The following SLC4A10 variants were observed in gnomAD, a reference collection of about 807,000 sequenced individuals.
SLC4A10 encodes solute carrier family 4 member 10.
A neutral mutation model predicts 137.7 loss-of-function variants in SLC4A10; 42 were observed. The observed-to-expected ratio is 0.30, with a 90% confidence interval of 0.24 to 0.39. The LOEUF is 0.39. Ranked by LOEUF, SLC4A10 falls within the 10% of genes least tolerant of loss-of-function variation. The pLI is 1.00. For synonymous variants in SLC4A10, 474 were observed against 464.1 expected (o/e 1.02, Z -0.27); for missense variants, 925 against 1,355.0 (o/e 0.68, Z 4.98).
intron 15 of SLC4A10, among the ~76,000 whole-genome samples, chr2:161,930,924 GTTTTGTTTTGTTTTA>G (rs1411578035): frequency 8.2e-5 from 12 of 146,324 alleles, no homozygotes; most frequent in African/African-American, 1.3e-4. Context: ...GTTTTGTTTT[GTTTTGTTTTGTTTTA>G]TTTTGTTTTT....
rs1051999705 is a variant in SLC4A10 at position 161,976,861 on chromosome 2, G to A, written c.3329G>A (p.Ser1110Asn). ...GATAACTCAAAAGATAAGGAGTCAA[G>A]CTTTCCTTCCAAAAGGTTTGGATTT... ...TADNSKDKES[S>N]FPSKSSPS Residue 1110 changes from serine to asparagine, a missense_variant, in exon 25 of 27, where the codon AGC (serine) becomes AAC (asparagine). Around this residue, in one of 11 missense-constraint regions of SLC4A10, gnomAD observed 84 missense variants for 76.9 expected, o/e 1.09. Transcript: ENST00000446997. 3.2e-6 allele frequency: 5 copies of A among 1,584,376 alleles called. No homozygotes were observed. Among genetic ancestry groups the A allele is most frequent in the African/African-American group, 2.7e-5 (2 of 74,238 alleles).
In SLC4A10 at chr2:161,761,603, C is replaced by G. The variant is rs113631049; in HGVS notation, c.49-9370C>G. On this transcript the variant is annotated intron_variant, in intron 1 of 26. Coordinates refer to ENST00000446997, the MANE Select transcript of SLC4A10 (RefSeq NM_001178015.2). Reference sequence around the variant, plus strand: ...AACCAGCAGGCAAAAATGCAGGTTTCGCTACCCTTTAAAATACTTTTGACT... The same window carrying G: ...AACCAGCAGGCAAAAATGCAGGTTTGGCTACCCTTTAAAATACTTTTGACT... Among the ~76,000 whole-genome samples, 385 of 152,178 alleles carry G rather than the reference C, an allele frequency of 2.5e-3. 3 individuals are homozygous for G. The highest frequency in any genetic ancestry group is 8.8e-3 in the African/African-American group (367 of 41,554).
At chr2:161,892,155 G>A (rs919871931) in intron 10 of SLC4A10, among the ~76,000 whole-genome samples, 1 of 152,026 alleles carries the variant, frequency 6.6e-6, no homozygotes, top group Non-Finnish European at 1.5e-5. Flanking sequence ...CAGGAAATCT[G>A]TTGTCCTGGA....
At chr2:161,697,312 G>A (rs1053523362) in intron 1 of SLC4A10, among the ~76,000 whole-genome samples, 6 of 152,050 alleles carry the variant, frequency 3.9e-5, no homozygotes, top group African/African-American at 1.4e-4. Context: ...TAGTTTAATT[G>A]GCTCCCATTT....
rs545566617 is a variant in SLC4A10 at position 161,638,454 on chromosome 2, T to C, written c.48+13888T>C. 3.9e-5 allele frequency among the ~76,000 whole-genome samples: 6 copies of C among 152,290 alleles called. No homozygotes were observed. The South Asian group carries it at 1.2e-3, about 32-fold the overall frequency. ...GGCTGTAAATACGTGGATTTGTTTC[T>C]GGGTTTTCTATTCTGTTTCATTGAT... is the stretch of plus-strand genomic sequence containing the variant. On this transcript the variant is annotated intron_variant, in intron 1 of 26. Coordinates refer to ENST00000446997, the MANE Select transcript of SLC4A10 (RefSeq NM_001178015.2).
chr2:161,852,568 TATAAA>T (rs1221392752), intron 4 of SLC4A10, among the ~76,000 whole-genome samples: 3 of 152,142 alleles, frequency 2.0e-5, no homozygotes, highest in Non-Finnish European at 2.9e-5. Context: ...ATTGGAATAA[TATAAA>T]AGAAAAAGTG....
intron 8 of SLC4A10, among the ~76,000 whole-genome samples, chr2:161,878,147 G>T (rs1197908213): frequency 6.6e-6 from 1 of 151,978 alleles, no homozygotes; most frequent in Non-Finnish European, 1.5e-5. Context: ...ACTCATATTT[G>T]CCAGAGCTCA....
At chr2:161,659,574 G>A (rs1308843586) in intron 1 of SLC4A10, among the ~76,000 whole-genome samples, 3 of 152,052 alleles carry the variant, frequency 2.0e-5, no homozygotes, top group Non-Finnish European at 4.4e-5. Flanking sequence ...CACACTGAAA[G>A]CTATTATGCA....
At chr2:161,703,449 A>G (rs78057265) in intron 1 of SLC4A10, among the ~76,000 whole-genome samples, 2,669 of 151,800 alleles carry the variant, frequency 0.018, 78 homozygotes, top group African/African-American at 0.06. Context: ...TATTTAAAAT[A>G]CTAAAACTAA....
chr2:161,834,733 A>G (rs960957032), intron 3 of SLC4A10, among the ~76,000 whole-genome samples: 1 of 150,558 alleles, frequency 6.6e-6, no homozygotes, highest in Non-Finnish European at 1.5e-5. Flanking sequence ...TGTCTTCTTT[A>G]CCCCTCTTTC....
intron 1 of SLC4A10, among the ~76,000 whole-genome samples, chr2:161,764,741 C>T (rs193127368): frequency 8.0e-4 from 122 of 151,898 alleles, no homozygotes; most frequent in Middle Eastern, 3.4e-3. Context: ...ATGCGGTGGC[C>T]CATATTAGCT....
chr2:161,662,992 A>G lies in SLC4A10; in HGVS notation c.48+38426A>G, dbSNP rs907779145. 1.1e-4 allele frequency among the ~76,000 whole-genome samples: 16 copies of G among 152,196 alleles called. 1 individual carries two copies. The highest frequency in any genetic ancestry group is 2.2e-4 in the Non-Finnish European group (15 of 68,000). ...GGACCTGGCAGTTTTGGTTGTGTGT[A>G]TTGTCCACCCCCCTTCCCCCAACTT... On this transcript the variant is annotated intron_variant, in intron 1 of 26. Transcript: ENST00000446997.
chr2:161,646,087 C>T (rs1183859204), intron 1 of SLC4A10, among the ~76,000 whole-genome samples: 1 of 151,778 alleles, frequency 6.6e-6, no homozygotes, highest in Non-Finnish European at 1.5e-5. Context: ...TCTATTGCAC[C>T]AAAGGTTTTC....
At chr2:161,810,683 T>C (rs1171022724) in intron 3 of SLC4A10, among the ~76,000 whole-genome samples, 2 of 152,118 alleles carry the variant, frequency 1.3e-5, no homozygotes, top group African/African-American at 4.8e-5. Flanking sequence ...GAATTGTGTA[T>C]GTCGAACCAA....
chr2:161,854,629 A>C (rs1376673519), intron 4 of SLC4A10, among the ~76,000 whole-genome samples: 1 of 152,204 alleles, frequency 6.6e-6, no homozygotes, highest in Non-Finnish European at 1.5e-5. Context: ...ATTACCATTA[A>C]CTTTCCATGA....
chr2:161,818,059 A>C (rs1288205775), intron 3 of SLC4A10, among the ~76,000 whole-genome samples: 2 of 152,124 alleles, frequency 1.3e-5, no homozygotes, highest in Non-Finnish European at 2.9e-5. Context: ...GAATCTATAA[A>C]TTACCTTGGG....
chr2:161,786,131 T>C (rs2053597613), intron 2 of SLC4A10, among the ~76,000 whole-genome samples: 1 of 152,008 alleles, frequency 6.6e-6, no homozygotes, highest in Non-Finnish European at 1.5e-5. Flanking sequence ...TTTAGGATAG[T>C]TAAATCTTCT....
At position 161,661,622 on chromosome 2, in the gene SLC4A10, G is replaced by A. The variant is rs556959043; in HGVS notation, c.48+37056G>A. Among the ~76,000 whole-genome samples, 3 of 152,314 alleles carry A rather than the reference G, an allele frequency of 2.0e-5. No individual in the cohort carries two copies. The South Asian group carries it at 6.2e-4, about 32-fold the overall frequency. ...AGTGCTTTATGGAATTTTACTGTAT[G>A]AGATTTTCCTAGAATGCCTGTGAAA... is the stretch of plus-strand genomic sequence containing the variant. On this transcript the variant is annotated intron_variant, in intron 1 of 26. Transcript: ENST00000446997.
intron 6 of SLC4A10, among the ~76,000 whole-genome samples, chr2:161,868,232 TC>T (rs1268641208): frequency 6.6e-6 from 1 of 151,824 alleles, no homozygotes; most frequent in East Asian, 1.9e-4. Context: ...TACCTTTTTT[TC>T]CAATAATGAA....
Sources: gnomAD v4.1 joint callset for allele counts (sites outside exome capture counted in the v4.1 genomes callset) on GRCh38, gnomAD v4.1.1 for gene constraint, gnomAD v4.1.1 regional missense constraint, MANE v1.5 for transcripts, NCBI Gene and HGNC (gene_info 2026-07-23, HGNC 2026-07-21) for gene names.